The following IFIT5 variants were observed in gnomAD, a reference collection of about 807,000 sequenced individuals.
The protein encoded by IFIT5 is interferon-induced protein with tetratricopeptide repeats 5.
In IFIT5, 2 loss-of-function variants were observed where a neutral mutation model predicts 5.0. The observed-to-expected ratio is 0.40, with a 90% CI of 0.16 to 1.26. The LOEUF is 1.26. Ranked by LOEUF, IFIT5 falls within the 50% of genes most tolerant of loss-of-function variation. IFIT5 has a pLI of 0.33. For synonymous variants in IFIT5, 206 were observed against 204.6 expected, an observed-to-expected ratio of 1.01 and a Z score of -0.06; for missense variants, 524 against 563.2, an observed-to-expected ratio of 0.93 and a Z score of 0.70.
chr10:89,418,191 T>C lies in IFIT5; in HGVS notation c.992T>C (p.Met331Thr). The C allele has an allele frequency of 1.2e-6, 2 of 1,614,208 alleles. No homozygotes were observed. The highest frequency in any genetic ancestry group is 1.7e-6 in the Non-Finnish European group (2 of 1,180,030). ...SSAIFHFKAAMERDSMFAFAY... is the reference protein window; with the variant it reads ...SSAIFHFKAATERDSMFAFAY... ...GCTATATTTCATTTCAAAGCAGCCA[T>C]GGAACGAGACTCTATGTTTGCATTT... is the stretch of plus-strand genomic sequence containing the variant. The change falls in exon 2 of 2, where the codon ATG (methionine) becomes ACG (threonine). Residue 331 changes from methionine to threonine, a missense_variant. Coordinates refer to ENST00000371795, the MANE Select transcript of IFIT5 (RefSeq NM_012420.3).
Position 89,417,595 on chromosome 10 carries a change from C to G in IFIT5, c.396C>G (p.Asn132Lys), listed in dbSNP as rs1476704185. 6 of 1,614,208 alleles carry G rather than the reference C, an allele frequency of 3.7e-6. No individual in the cohort carries two copies. Among genetic ancestry groups the G allele is most frequent in the Non-Finnish European group, 5.1e-6 (6 of 1,180,034 alleles). ...NVCKKLSSPS[N>K]YKLECPETDC... ...GTAAGAAATTGTCCAGTCCTTCTAA[C>G]TACAAGTTGGAGTGTCCTGAGACTG... Residue 132 changes from asparagine (N) to lysine (K), a missense_variant, in exon 2 of 2, where the codon AAC (asparagine) becomes AAG (lysine). Asn to Lys is a moderately conservative substitution (Grantham distance 94, BLOSUM62 0). Coordinates refer to ENST00000371795, the MANE Select transcript of IFIT5 (RefSeq NM_012420.3).
intron 1 of IFIT5, 40 bp from the exon 2 acceptor site, chr10:89,417,165 G>A (rs1564817059): frequency 6.8e-7 from 1 of 1,472,944 alleles, no homozygotes; most frequent in Admixed American, 2.2e-5. Flanking sequence ...ATTATTTCTT[G>A]TATTTCTTCA....
In IFIT5 at chr10:89,418,666, TTAGCTC is replaced by T. The variant is rs1284531951; in HGVS notation, c.*21_*26del. ...CCATTTAAATACATACTCTAGGAAATTAGCTCTAAGTTTTTCCCTTCATTTTGGGTT... is the reference window on the plus strand; with the variant it reads ...CCATTTAAATACATACTCTAGGAAATTAAGTTTTTCCCTTCATTTTGGGTT... On this transcript the variant is annotated 3_prime_UTR_variant, in exon 2 of 2. Transcript: ENST00000371795. The T allele has an allele frequency of 6.4e-7, 1 of 1,572,538 alleles. No homozygotes were observed. The highest frequency in any genetic ancestry group is 8.6e-7 in the Non-Finnish European group (1 of 1,161,746).
chr10:89,414,761 G>C lies in IFIT5; in HGVS notation c.-38G>C, dbSNP rs1266324864. On this transcript the variant is annotated 5_prime_UTR_variant, in exon 1 of 2. Coordinates refer to ENST00000371795, the MANE Select transcript of IFIT5 (RefSeq NM_012420.3). ...GTGCTGAGGAGAGAGCGATCCGAGG[G>C]ACTGCGCCGCCCGGACGGCCTGCAG... 3 of 1,605,290 alleles carry C rather than the reference G, an allele frequency of 1.9e-6. No individual in the cohort carries two copies. In the African/African-American group the frequency reaches 4.1e-5, roughly 22 times the overall value.
Sources: gnomAD v4.1 joint callset for allele counts on GRCh38, gnomAD v4.1.1 for gene constraint, MANE v1.5 for transcripts, NCBI Gene and HGNC (gene_info 2026-07-23, HGNC 2026-07-21) for gene names.